PDE1C: variants seen among roughly 807,000 people sequenced by gnomAD.
PDE1C encodes the protein phosphodiesterase 1C, also known as dual specificity calcium/calmodulin-dependent 3',5'-cyclic nucleotide phosphodiesterase 1C.
Under a neutral mutation model 93.1 loss-of-function variants are expected in PDE1C, and 62 were observed. That is an observed-to-expected ratio of 0.67 (90% CI 0.54 to 0.82). The LOEUF (loss-of-function observed/expected upper bound fraction) is 0.82, where lower values mean the gene tolerates loss of function less well. PDE1C is among the 40% of genes least tolerant of loss of function. PDE1C has a pLI of 0.00. For missense variants in PDE1C, 742 were observed against 884.6 expected (o/e 0.84, Z 2.04); for synonymous variants, 325 against 310.1 (o/e 1.05, Z -0.50).
chr7:31,850,715 A>G lies in PDE1C; in HGVS notation c.777T>C (p.Phe259=). The change falls in exon 8 of 18, where the codon TTT becomes TTC. Residue 259 remains phenylalanine, a synonymous_variant. Coordinates refer to ENST00000396191, the MANE Select transcript of PDE1C (RefSeq NM_001191057.4). ...GGATGGCAGCTGAGAAGATTATAGCAAAGATCTCCAGCTCCGTCAGCCAGT... is the reference window on the plus strand; with the variant it reads ...GGATGGCAGCTGAGAAGATTATAGCGAAGATCTCCAGCTCCGTCAGCCAGT... ...VANWLTELEI[F]AIIFSAAIHD... The G allele has an allele frequency of 6.2e-7, 1 of 1,613,114 alleles. No individual in the cohort carries two copies. Among genetic ancestry groups the G allele is most frequent in the Non-Finnish European group, 8.5e-7 (1 of 1,179,256 alleles).
chr7:31,830,376 A>G (rs916216412), intron 11 of PDE1C, among the ~76,000 whole-genome samples: 4 of 152,192 alleles, frequency 2.6e-5, no homozygotes, highest in Non-Finnish European at 5.9e-5. Context: ...TATTTACACA[A>G]AGGATTTTTA....
chr7:31,824,689 G>C (rs1031661256), intron 13 of PDE1C, among the ~76,000 whole-genome samples, 178 bp downstream of exon 13: 1 of 152,100 alleles, frequency 6.6e-6, no homozygotes, highest in Non-Finnish European at 1.5e-5. Context: ...TTAGCCTGGA[G>C]AGTACGGATA....
chr7:31,852,660 G>C (rs1279865361), intron 7 of PDE1C, among the ~76,000 whole-genome samples: 3 of 151,996 alleles, frequency 2.0e-5, no homozygotes, highest in African/African-American at 7.2e-5. Flanking sequence ...GTAGGTGCAG[G>C]ACTCACTCAA....
chr7:31,735,033 G>A, the PDE1C span, among the ~76,000 whole-genome samples: 159 of 152,186 alleles, frequency 1.0e-3, no homozygotes, highest in Non-Finnish European at 1.8e-3. Flanking sequence ...AGAGCCTCCC[G>A]CCCCACCCAA....
chr7:32,095,105 G>C (rs957241521), intron 3 of PDE1C, among the ~76,000 whole-genome samples: 11 of 152,198 alleles, frequency 7.2e-5, no homozygotes, highest in Non-Finnish European at 1.2e-4. Context: ...GCCAAGGTCA[G>C]ACTCAATGTG....
the PDE1C span, among the ~76,000 whole-genome samples, chr7:31,726,699 C>T: frequency 6.6e-6 from 1 of 152,224 alleles, no homozygotes; most frequent in African/African-American, 2.4e-5. Flanking sequence ...CTATCAATTA[C>T]AGCTTTAGCT....
At chr7:31,926,432 C>T (rs113790061) in intron 2 of PDE1C, among the ~76,000 whole-genome samples, 16 of 152,308 alleles carry the variant, frequency 1.1e-4, no homozygotes, top group South Asian at 2.1e-4. Context: ...TGAATGTGAA[C>T]GCAAACCTAT....
At chr7:32,399,587 T>TTC (rs1483089188) in intron 1 of PDE1C, among the ~76,000 whole-genome samples, 3 of 149,482 alleles carry the variant, frequency 2.0e-5, no homozygotes, top group African/African-American at 7.4e-5. Context: ...TTAACTTTTT[T>TTC]TTTTTTTTTT....
intron 1 of PDE1C, among the ~76,000 whole-genome samples, chr7:32,425,461 A>C (rs1356096810): frequency 6.6e-6 from 1 of 152,232 alleles, no homozygotes; most frequent in African/African-American, 2.4e-5. Flanking sequence ...GTAATTTTTA[A>C]TTGCATATAT....
chr7:31,974,056 A>G (rs567465310), intron 2 of PDE1C, among the ~76,000 whole-genome samples: 99 of 152,314 alleles, frequency 6.5e-4, no homozygotes, highest in African/African-American at 2.0e-3. Context: ...TTAAGCTTAT[A>G]CTAAAGTTGT....
At chr7:31,665,311 A>T in the PDE1C span, among the ~76,000 whole-genome samples, 3 of 152,088 alleles carry the variant, frequency 2.0e-5, no homozygotes, top group Non-Finnish European at 4.4e-5. Context: ...TCCTACACAC[A>T]TCTCTGCACA....
intron 2 of PDE1C, among the ~76,000 whole-genome samples, chr7:32,043,624 C>A (rs972043080): frequency 1.3e-5 from 2 of 152,184 alleles, no homozygotes; most frequent in Non-Finnish European, 1.5e-5. Flanking sequence ...CTGTACTAAG[C>A]ACCTCCAGGA....
At chr7:31,807,771 G>A (rs1201477634) in intron 16 of PDE1C, among the ~76,000 whole-genome samples, 3 of 151,868 alleles carry the variant, frequency 2.0e-5, no homozygotes, top group African/African-American at 7.2e-5. Flanking sequence ...CTGGCAAAGA[G>A]CCTCTGGTAT....
chr7:31,961,394 T>A (rs1221390567), intron 2 of PDE1C, among the ~76,000 whole-genome samples: 1 of 152,114 alleles, frequency 6.6e-6, no homozygotes, highest in Non-Finnish European at 1.5e-5. Context: ...ATATATAAAG[T>A]ATAATTGAAA....
intron 3 of PDE1C, among the ~76,000 whole-genome samples, chr7:32,125,584 T>C (rs927700165): frequency 2.0e-5 from 3 of 152,150 alleles, no homozygotes; most frequent in Non-Finnish European, 4.4e-5. Context: ...TGGATGAAGC[T>C]GGAAGCCATA....
At chr7:31,787,323 T>C (rs1423504488) in intron 16 of PDE1C, 1 of 152,198 alleles carries the variant, frequency 6.6e-6, no homozygotes, top group Admixed American at 6.5e-5. Context: ...GCTCCAAAAA[T>C]GAAATGGACA....
chr7:32,355,350 C>T (rs922364704), intron 1 of PDE1C, among the ~76,000 whole-genome samples: 2 of 152,210 alleles, frequency 1.3e-5, no homozygotes, highest in African/African-American at 2.4e-5. Context: ...ATAGAAAACA[C>T]GCAGCCCTGC....
chr7:31,642,918 G>A, the PDE1C span: 4 of 1,614,038 alleles, frequency 2.5e-6, no homozygotes, highest in South Asian at 1.1e-5. Context: ...GGCCACCAGA[G>A]CTGTATATCC....
the PDE1C span, among the ~76,000 whole-genome samples, chr7:31,737,185 A>G: frequency 6.6e-6 from 1 of 151,332 alleles, no homozygotes; most frequent in Non-Finnish European, 1.5e-5. Context: ...CACTTTGTTG[A>G]GCAAGCTGAC....
Sources: allele counts gnomAD v4.1 joint callset (sites outside exome capture counted in the v4.1 genomes callset), GRCh38; gene constraint gnomAD v4.1.1; transcripts MANE v1.5; gene names NCBI Gene and HGNC (gene_info 2026-07-23, HGNC 2026-07-21).